Variants in CAT observed in about 807,000 individuals in gnomAD.
The protein encoded by CAT is catalase.
In CAT, 43 loss-of-function variants were observed where a neutral mutation model predicts 59.0. That is an observed-to-expected ratio of 0.73 (90% CI 0.57 to 0.94). The LOEUF (loss-of-function observed/expected upper bound fraction) is 0.94. Among genes scored for constraint, CAT ranks in the 40% least tolerant of loss-of-function variants. CAT has a pLI of 0.00. For missense variants in CAT, 664 were observed against 682.9 expected (o/e 0.97, Z 0.31); for synonymous variants, 218 against 230.9 (o/e 0.94, Z 0.51).
In CAT at chr11:34,471,463, C is replaced by T; in HGVS notation, c.*30C>T. The T allele has an allele frequency of 3.1e-6, 5 of 1,596,568 alleles. No homozygotes were observed. The highest frequency in any genetic ancestry group is 3.4e-6 in the Non-Finnish European group (4 of 1,163,994). Reference sequence around the variant, plus strand: ...GGGGCCCTGCACCTGTGCAGCGAAGCTTAGCGTTCATCCGTGTAACCCGCT... The same window carrying T: ...GGGGCCCTGCACCTGTGCAGCGAAGTTTAGCGTTCATCCGTGTAACCCGCT... On this transcript the variant is annotated 3_prime_UTR_variant, in exon 13 of 13. Transcript: ENST00000241052.
At chr11:34,444,517 G>A (rs1856427109) in intron 1 of CAT, among the ~76,000 whole-genome samples, 1 of 152,154 alleles carries the variant, frequency 6.6e-6, no homozygotes, top group African/African-American at 2.4e-5. Flanking sequence ...TGTATACGTT[G>A]TAGGCACTTG....
At chr11:34,446,641 T>A (rs1352391251) in intron 1 of CAT, among the ~76,000 whole-genome samples, 1 of 152,230 alleles carries the variant, frequency 6.6e-6, no homozygotes, top group Non-Finnish European at 1.5e-5. Flanking sequence ...CCTCCCCACG[T>A]TAAGAATGCT....
intron 9 of CAT, 87 bp downstream of exon 9, chr11:34,461,476 C>G: frequency 6.6e-7 from 1 of 1,510,736 alleles, no homozygotes; most frequent in Non-Finnish European, 9.2e-7. Flanking sequence ...GGCTCTCAAG[C>G]TGGCCCCGCA....
intron 9 of CAT, among the ~76,000 whole-genome samples, chr11:34,463,471 G>A (rs143090499): frequency 3.3e-5 from 5 of 152,246 alleles, no homozygotes; most frequent in East Asian, 1.9e-4. Flanking sequence ...AACACTTTAC[G>A]GAATAGCAAA....
chr11:34,460,356 A>G (rs958151841), intron 8 of CAT, among the ~76,000 whole-genome samples: 6 of 147,496 alleles, frequency 4.1e-5, no homozygotes, highest in Non-Finnish European at 7.4e-5. Flanking sequence ...TGAACCACAG[A>G]TTTTTTGTTA....
At chr11:34,447,142 C>CT (rs1856466549) in intron 1 of CAT, among the ~76,000 whole-genome samples, 1 of 152,176 alleles carries the variant, frequency 6.6e-6, no homozygotes. Flanking sequence ...CTCTGGCTCT[C>CT]TAATTATTTT....
chr11:34,450,163 A>G (rs1856506389), intron 2 of CAT, among the ~76,000 whole-genome samples: 2 of 152,228 alleles, frequency 1.3e-5, no homozygotes, highest in Non-Finnish European at 2.9e-5. Context: ...TGAACAAAAC[A>G]ATGTTGTTTG....
chr11:34,469,668 T>TG (rs995341970), intron 11 of CAT, among the ~76,000 whole-genome samples: 2 of 148,890 alleles, frequency 1.3e-5, no homozygotes, highest in African/African-American at 4.9e-5. Context: ...GTAGGTTGTG[T>TG]GGGTTTTTTT....
At chr11:34,466,341 C>T (rs938477344) in intron 10 of CAT, among the ~76,000 whole-genome samples, 2 of 152,132 alleles carry the variant, frequency 1.3e-5, no homozygotes, top group Non-Finnish European at 2.9e-5. Context: ...AATGACCAGG[C>T]ACCTAACACA....
intron 11 of CAT, chr11:34,468,632 T>C: frequency 1.7e-6 from 1 of 578,632 alleles, no homozygotes; most frequent in Non-Finnish European, 3.1e-6. Flanking sequence ...AATTTAGTTG[T>C]GTTCAGACTG....
rs1856707180 is a variant in CAT, at chr11:34,465,704, GGAAATACATAA to G, written c.1326+1473_1326+1483del. 3.9e-5 allele frequency among the ~76,000 whole-genome samples: 6 copies of G among 152,116 alleles called. No homozygotes were observed. The South Asian group carries it at 1.2e-3, about 32-fold the overall frequency. ...TAATTCTGTGATGATGTATCACATGGGAAATACATAAGAAGGTCCAGATTTATTCTCTTAAA... is the reference window on the plus strand; with the variant it reads ...TAATTCTGTGATGATGTATCACATGGGAAGGTCCAGATTTATTCTCTTAAA... On this transcript the variant is annotated intron_variant, in intron 10 of 12. Coordinates refer to ENST00000241052, the MANE Select transcript of CAT (RefSeq NM_001752.4).
intron 1 of CAT, among the ~76,000 whole-genome samples, chr11:34,444,938 T>G (rs1252503791): frequency 7.9e-5 from 12 of 152,228 alleles, no homozygotes; most frequent in Admixed American, 7.9e-4. Flanking sequence ...ATAACAAGTG[T>G]GTCTAAAGGT....
At chr11:34,461,456 C>T in intron 9 of CAT, 67 bp downstream of exon 9, 5 of 1,576,658 alleles carry the variant, frequency 3.2e-6, no homozygotes, top group Non-Finnish European at 3.5e-6. Context: ...GGGCGGGAGG[C>T]CAGGCCAGTG....
At position 34,471,521 on chromosome 11, in the gene CAT, G is replaced by T; in HGVS notation, c.*88G>T. ...GGATGAAGATTCTCCTGTGCTAGAT[G>T]TGCAAATGCAAGCTAGTGGCTTCAA... On this transcript the variant is annotated 3_prime_UTR_variant, in exon 13 of 13. Coordinates refer to ENST00000241052, the MANE Select transcript of CAT (RefSeq NM_001752.4). The T allele has an allele frequency of 1.8e-6, 2 of 1,122,688 alleles. No homozygotes were observed. The highest frequency in any genetic ancestry group is 2.5e-5 in the South Asian group (2 of 81,338). The allele number at this position is 1,122,688 out of a possible 1,614,324, so 69.5% of individuals were successfully genotyped here.
chr11:34,453,572 C>T (rs1281276620), intron 5 of CAT, among the ~76,000 whole-genome samples: 3 of 152,146 alleles, frequency 2.0e-5, no homozygotes, highest in African/African-American at 4.8e-5. Context: ...GGCTTTCCTT[C>T]ATAGAATTTT....
intron 8 of CAT, among the ~76,000 whole-genome samples, chr11:34,457,558 C>A (rs938424181): frequency 6.6e-6 from 1 of 152,086 alleles, no homozygotes; most frequent in African/African-American, 2.4e-5. Flanking sequence ...AAAAAGAGAT[C>A]TAGGGATGAT....
chr11:34,471,824 A>T lies in CAT; in HGVS notation c.*391A>T, dbSNP rs1856777081. The stretch of plus-strand genomic sequence containing the variant: ...TATATAAAAAGAAAAGATAAAGATG[A>T]TCTACTCAGAAATTTTTATTTTTCT... On this transcript the variant is annotated 3_prime_UTR_variant, in exon 13 of 13. Coordinates refer to ENST00000241052, the MANE Select transcript of CAT (RefSeq NM_001752.4). 2 of 204,318 alleles carry T rather than the reference A, an allele frequency of 9.8e-6. No homozygotes were observed. The highest frequency in any genetic ancestry group is 2.0e-5 in the Non-Finnish European group (2 of 98,476). The allele number at this position is 204,318 out of a possible 1,614,324, so 12.7% of individuals were successfully genotyped here.
intron 9 of CAT, 89 bp from the exon 10 acceptor site, chr11:34,464,016 C>A: frequency 1.5e-6 from 2 of 1,325,058 alleles, no homozygotes; most frequent in Non-Finnish European, 2.2e-6. Flanking sequence ...TTGATTACCA[C>A]TTGAATTTAT....
At chr11:34,458,883 A>C (rs940493662) in intron 8 of CAT, among the ~76,000 whole-genome samples, 2 of 152,258 alleles carry the variant, frequency 1.3e-5, no homozygotes, top group Non-Finnish European at 2.9e-5. Context: ...TAAGGCAGCT[A>C]TTCAAACAGT....
Sources: gnomAD v4.1 joint callset for allele counts (sites outside exome capture counted in the v4.1 genomes callset) on GRCh38, gnomAD v4.1.1 for gene constraint, MANE v1.5 for transcripts, NCBI Gene and HGNC (gene_info 2026-07-23, HGNC 2026-07-21) for gene names.